CDK5RAP1: variants seen among roughly 807,000 people sequenced by gnomAD.
CDK5RAP1 encodes CDK5RAP1 mitochondrial tRNA methylthiotransferase.
CDK5RAP1 carries 62 observed loss-of-function variants against 64.5 expected under a neutral mutation model. The ratio of observed to expected loss-of-function variants is 0.96; its 90% CI spans 0.78 to 1.19. CDK5RAP1 has a LOEUF of 1.19. Ranked by LOEUF, CDK5RAP1 falls within the 50% of genes most tolerant of loss-of-function variation. The probability of loss-of-function intolerance (pLI) is 0.00; values close to 1 mark genes in which losing one functional copy is unlikely to be tolerated. For synonymous variants in CDK5RAP1, 250 were observed against 261.9 expected (o/e 0.95, Z 0.44); for missense variants, 657 against 735.0 (o/e 0.89, Z 1.23).
rs1394727472 is a variant in CDK5RAP1, at chr20:33,387,228, C to T, written c.755+95G>A. On this transcript the variant is annotated intron_variant, in intron 6 of 13. Transcript: ENST00000346416. ...CCCTGATCATGACACTGCACTCCAG[C>T]CTGGATGACAAGAGTGAGACCCTGT... is the stretch of plus-strand genomic sequence containing the variant. The T allele has an allele frequency of 6.5e-6, 6 of 922,794 alleles. No homozygotes were observed. The East Asian group carries it at 1.3e-4, about 20-fold the overall frequency. The allele number at this position is 922,794 out of a possible 1,614,324, so 57.2% of individuals were successfully genotyped here.
chr20:33,360,589 T>C, intron 12 of CDK5RAP1, 98 bp from the exon 13 acceptor site: 5 of 1,093,630 alleles, frequency 4.6e-6, no homozygotes, highest in Non-Finnish European at 5.3e-6. Context: ...CCCAAGAGTC[T>C]GACCCACAGA....
chr20:33,372,497 C>G (rs186955185), intron 10 of CDK5RAP1, 145 bp downstream of exon 10: 2 of 484,886 alleles, frequency 4.1e-6, no homozygotes, highest in African/African-American at 2.0e-5. Context: ...AGAAAGAATA[C>G]GAGGAGAGAG....
intron 12 of CDK5RAP1, 141 bp from the exon 13 acceptor site, chr20:33,360,632 A>G (rs1438236589): frequency 4.2e-6 from 3 of 715,582 alleles, no homozygotes; most frequent in Non-Finnish European, 6.8e-6. Flanking sequence ...CTGAAGACTC[A>G]GTGTTTGCTG....
intron 11 of CDK5RAP1, among the ~76,000 whole-genome samples, chr20:33,368,459 A>ATTTTTTTTT (rs35954744): frequency 4.4e-5 from 3 of 67,606 alleles, no homozygotes; most frequent in African/African-American, 1.8e-4. Flanking sequence ...CTCTCGGCTA[A>ATTTTTTTTT]TTTTTTTTTT....
In CDK5RAP1 at chr20:33,374,101, C is replaced by T. The variant is rs1985557587; in HGVS notation, c.1205+14G>A. The T allele has an allele frequency of 6.3e-7, 1 of 1,593,648 alleles. No individual in the cohort carries two copies. On this transcript the variant is annotated intron_variant, in intron 9 of 13. Coordinates refer to ENST00000346416, the MANE Select transcript of CDK5RAP1 (RefSeq NM_016408.4). ...GGAAAAGTGAGGGATGCCCCCTCTC[C>T]AAGCAAGCCTGACCCCCTCCGCATG... is the stretch of plus-strand genomic sequence containing the variant.
chr20:33,390,168 G>A (rs6088205), intron 5 of CDK5RAP1, among the ~76,000 whole-genome samples: 1 of 151,958 alleles, frequency 6.6e-6, no homozygotes, highest in Admixed American at 6.6e-5. Context: ...CAGCTACTCA[G>A]GAGGCTGAGG....
At chr20:33,388,137 T>A (rs989739437) in intron 5 of CDK5RAP1, among the ~76,000 whole-genome samples, 1 of 152,018 alleles carries the variant, frequency 6.6e-6, no homozygotes, top group Non-Finnish European at 1.5e-5. Flanking sequence ...TTCTTTCAAC[T>A]GAAAATTACT....
chr20:33,392,766 TCTC>T (rs1439782888), intron 4 of CDK5RAP1, among the ~76,000 whole-genome samples: 4 of 152,020 alleles, frequency 2.6e-5, no homozygotes, highest in Non-Finnish European at 4.4e-5. Context: ...GCCTTCCAGT[TCTC>T]CTCTGTTGGA....
At position 33,370,586 on chromosome 20, in the gene CDK5RAP1, C is replaced by A; in HGVS notation, c.1305G>T (p.Glu435Asp). Residue 435 changes from glutamate (E) to aspartate (D), a missense_variant, in exon 11 of 14, where the codon GAG (glutamate) becomes GAT (aspartate). Coordinates refer to ENST00000346416, the MANE Select transcript of CDK5RAP1 (RefSeq NM_016408.4). ...CTGTCTGGACGTGATCTTCCTCCGTCTCACCACAAAAGCCAGCAATGAAAT... is the reference window on the plus strand; with the variant it reads ...CTGTCTGGACGTGATCTTCCTCCGTATCACCACAAAAGCCAGCAATGAAAT... ...SSDFIAGFCG[E>D]TEEDHVQTVS... 1 of 1,614,170 alleles carries A rather than the reference C, an allele frequency of 6.2e-7. No homozygotes were observed. The highest frequency in any genetic ancestry group is 1.1e-5 in the South Asian group (1 of 91,090).
At chr20:33,379,147 A>G (rs930684449) in intron 8 of CDK5RAP1, among the ~76,000 whole-genome samples, 2 of 151,638 alleles carry the variant, frequency 1.3e-5, no homozygotes, top group East Asian at 3.9e-4. Context: ...ATCCCACCCC[A>G]CCCAGCTAAT....
chr20:33,370,744 C>T, intron 10 of CDK5RAP1, 115 bp from the exon 11 acceptor site: 1 of 1,079,074 alleles, frequency 9.3e-7, no homozygotes, highest in Non-Finnish European at 1.4e-6. Context: ...CTCCCTAGGA[C>T]TATTCATAAG....
At chr20:33,388,969 C>T (rs914666483) in intron 5 of CDK5RAP1, among the ~76,000 whole-genome samples, 3 of 152,176 alleles carry the variant, frequency 2.0e-5, no homozygotes, top group Middle Eastern at 3.2e-3. Context: ...GACCTCCGCT[C>T]GCTACAACCT....
intron 8 of CDK5RAP1, 52 bp from the exon 9 acceptor site, chr20:33,374,264 A>C: frequency 8.2e-7 from 1 of 1,216,036 alleles, no homozygotes; most frequent in Non-Finnish European, 1.2e-6. Flanking sequence ...AAAGAACCTT[A>C]CAGAAAGCAA....
chr20:33,397,895 G>A (rs944876870), intron 1 of CDK5RAP1, among the ~76,000 whole-genome samples: 1 of 152,078 alleles, frequency 6.6e-6, no homozygotes, highest in Non-Finnish European at 1.5e-5. Context: ...AGGAGGCTGA[G>A]ACAGGAGAAT....
chr20:33,385,453 T>A, intron 7 of CDK5RAP1, 197 bp downstream of exon 7: 1 of 547,864 alleles, frequency 1.8e-6, no homozygotes, highest in Non-Finnish European at 3.2e-6. Flanking sequence ...GCCCTCTCCA[T>A]CCACCATGCT....
intron 6 of CDK5RAP1, 66 bp from the exon 7 acceptor site, chr20:33,385,836 G>A (rs948218196): frequency 2.7e-6 from 4 of 1,469,156 alleles, no homozygotes; most frequent in Middle Eastern, 1.8e-4. Context: ...CAAGGAGCAG[G>A]ACTCAGCTTC....
In CDK5RAP1 at chr20:33,385,741, C is replaced by G. The variant is rs1369713841; in HGVS notation, c.785G>C (p.Cys262Ser). The part of the protein sequence containing the change: ...VSIMRGCDNM[C>S]SYCIVPFTRG... Reference sequence around the variant, plus strand: ...GGTGAAAGGAACAATGCAGTAGCTACACATGTTGTCACAGCCTCGCATGAT... The same window carrying G: ...GGTGAAAGGAACAATGCAGTAGCTAGACATGTTGTCACAGCCTCGCATGAT... The change falls in exon 7 of 14, where the codon TGT becomes TCT. Residue 262 changes from cysteine to serine, a missense_variant. Physicochemically the swap from Cys to Ser is moderately radical, Grantham distance 112. Coordinates refer to ENST00000346416, the MANE Select transcript of CDK5RAP1 (RefSeq NM_016408.4). 6.2e-7 allele frequency: 1 copy of G among 1,613,344 alleles called. No homozygotes were observed. Among genetic ancestry groups the G allele is most frequent in the Non-Finnish European group, 8.5e-7 (1 of 1,179,758 alleles).
chr20:33,376,482 GT>G (rs1986009509), intron 8 of CDK5RAP1, among the ~76,000 whole-genome samples: 2 of 152,150 alleles, frequency 1.3e-5, no homozygotes, highest in Non-Finnish European at 2.9e-5. Flanking sequence ...TAAGCTCACT[GT>G]TGAGACCTAC....
At chr20:33,377,918 CT>C (rs778838108) in intron 8 of CDK5RAP1, among the ~76,000 whole-genome samples, 1 of 152,198 alleles carries the variant, frequency 6.6e-6, no homozygotes, top group Non-Finnish European at 1.5e-5. Context: ...TCCCAAAATG[CT>C]GGGATTAAAG....
Sources: gnomAD v4.1 joint callset for allele counts (sites outside exome capture counted in the v4.1 genomes callset) on GRCh38, gnomAD v4.1.1 for gene constraint, MANE v1.5 for transcripts, NCBI Gene and HGNC (gene_info 2026-07-23, HGNC 2026-07-21) for gene names.